The following ACBD5 variants were observed in gnomAD, a reference collection of about 807,000 sequenced individuals.
ACBD5 encodes the protein acyl-CoA binding domain containing 5.
Under a neutral mutation model 71.8 loss-of-function variants are expected in ACBD5, and 40 were observed. The ratio of observed to expected loss-of-function variants is 0.56; its 90% confidence interval spans 0.43 to 0.72. ACBD5 has a LOEUF of 0.72. Among genes scored for constraint, ACBD5 ranks in the 30% least tolerant of loss-of-function variants. The probability of loss-of-function intolerance (pLI) is 0.00; values close to 1 mark genes in which losing one functional copy is unlikely to be tolerated. For synonymous variants in ACBD5, 229 were observed against 218.6 expected, an observed-to-expected ratio of 1.05 and a Z score of -0.42; for missense variants, 559 against 644.5, an observed-to-expected ratio of 0.87 and a Z score of 1.44.
intron 4 of ACBD5, among the ~76,000 whole-genome samples, chr10:27,227,955 C>A (rs7898338): frequency 6.6e-6 from 1 of 151,858 alleles, no homozygotes; most frequent in African/African-American, 2.4e-5. Context: ...TCAGGTGATC[C>A]GCCTGTCTCA....
Position 27,240,750 on chromosome 10 carries a change from G to C in ACBD5, c.-62C>G. The C allele has an allele frequency of 6.5e-7, 1 of 1,549,854 alleles. No individual in the cohort carries two copies. Among genetic ancestry groups the C allele is most frequent in the Non-Finnish European group, 8.7e-7 (1 of 1,146,800 alleles). Reference sequence around the variant, plus strand: ...GCCGCGGAGCCGCTCTCCCACCCTGGGGACCCTGGCGGAGCAGCCACACCC... The same window carrying C: ...GCCGCGGAGCCGCTCTCCCACCCTGCGGACCCTGGCGGAGCAGCCACACCC... On this transcript the variant is annotated 5_prime_UTR_variant, in exon 1 of 13. Transcript: ENST00000396271. The surrounding 1 kb of genome is among the most constrained non-coding windows in gnomAD (Gnocchi z 4.1).
intron 4 of ACBD5, among the ~76,000 whole-genome samples, chr10:27,229,311 G>A (rs1439284304): frequency 6.6e-6 from 1 of 151,888 alleles, no homozygotes; most frequent in South Asian, 2.1e-4. Flanking sequence ...TGACAGGCCA[G>A]GCACACGGTG....
intron 4 of ACBD5, among the ~76,000 whole-genome samples, chr10:27,229,333 T>TA (rs1222119935): frequency 6.6e-6 from 1 of 151,774 alleles, no homozygotes; most frequent in East Asian, 1.9e-4. Context: ...CTCATGCCTG[T>TA]AATCCCAGCA....
At chr10:27,204,573 C>T in intron 11 of ACBD5, 24 bp from the exon 12 acceptor site, 1 of 1,548,970 alleles carries the variant, frequency 6.5e-7, no homozygotes, top group Non-Finnish European at 8.9e-7. Flanking sequence ...ATAAGCTTGT[C>T]ACCAATCTAT....
intron 10 of ACBD5, 117 bp from the exon 11 acceptor site, chr10:27,205,365 TTTTC>T (rs1233793389): frequency 2.0e-6 from 2 of 1,005,158 alleles, no homozygotes; most frequent in Non-Finnish European, 3.1e-6. Flanking sequence ...GTTGCTTTTG[TTTTC>T]TTTATGTATA....
Position 27,215,636 on chromosome 10 carries a change from T to C in ACBD5, c.835A>G (p.Asn279Asp). ...KSAVCIHQDI[N>D]DDHVEDVTGI... ...GTAACATCTTCAACATGATCATCAT[T>C]TATATCTAAATATGAACAAAAGTGC... Residue 279 changes from asparagine to aspartate, a missense_variant, in exon 8 of 13, where the codon AAT becomes GAT. Asn to Asp is a conservative substitution (Grantham distance 23). Coordinates refer to ENST00000396271, the MANE Select transcript of ACBD5 (RefSeq NM_145698.5). 1 of 1,607,796 alleles carries C rather than the reference T, an allele frequency of 6.2e-7. No homozygotes were observed. Among genetic ancestry groups the C allele is most frequent in the Non-Finnish European group, 8.5e-7 (1 of 1,174,928 alleles).
chr10:27,190,795 G>A (rs147187476), downstream of ACBD5, among the ~76,000 whole-genome samples: 151 of 152,296 alleles, frequency 9.9e-4, no homozygotes, highest in Middle Eastern at 0.02. Flanking sequence ...AGCCCACCTG[G>A]ATTCAAGACA....
chr10:27,193,037 TTC>T (rs2059142596), downstream of ACBD5, among the ~76,000 whole-genome samples: 1 of 151,822 alleles, frequency 6.6e-6, no homozygotes, highest in South Asian at 2.1e-4. Flanking sequence ...ATTTCTCTAT[TTC>T]TCTTTTTTTA....
upstream of ACBD5, chr10:27,240,907 C>T: frequency 1.5e-6 from 1 of 662,678 alleles, no homozygotes. This position sits in a 1 kb window ranked among gnomAD's most constrained non-coding sequence, Gnocchi z 4.1. Flanking sequence ...GACCCGCCGC[C>T]GCGGCAAGGA....
At chr10:27,219,616 A>G in intron 6 of ACBD5, 107 bp downstream of exon 6, 1 of 1,474,716 alleles carries the variant, frequency 6.8e-7, no homozygotes, top group South Asian at 1.1e-5. Flanking sequence ...AACAGCTTAC[A>G]TCCCACCACC....
chr10:27,189,698 T>C (rs1399001425), intron 13 of ACBD5, among the ~76,000 whole-genome samples: 2 of 151,418 alleles, frequency 1.3e-5, no homozygotes, highest in Non-Finnish European at 2.9e-5. Flanking sequence ...CACACCAACA[T>C]GGCACATGTA....
chr10:27,231,867 A>C (rs1456184010), intron 3 of ACBD5, 47 bp from the exon 4 acceptor site: 1 of 1,522,228 alleles, frequency 6.6e-7, no homozygotes, highest in Non-Finnish European at 9.1e-7. Flanking sequence ...ATCTGATTTT[A>C]ATTGCTCAGA....
At chr10:27,231,975 T>G (rs1002971438) in intron 3 of ACBD5, among the ~76,000 whole-genome samples, 155 bp from the exon 4 acceptor site, 3 of 152,228 alleles carry the variant, frequency 2.0e-5, no homozygotes, top group African/African-American at 7.2e-5. Flanking sequence ...TGAAGAAAAT[T>G]ATCACAGCAA....
intron 5 of ACBD5, 56 bp downstream of exon 5, chr10:27,223,282 T>C (rs1358852222): frequency 7.9e-7 from 1 of 1,272,640 alleles, no homozygotes. Context: ...ATACAAATAT[T>C]AATATGTGCA....
At chr10:27,239,148 G>A (rs2065141036) in intron 2 of ACBD5, among the ~76,000 whole-genome samples, 2 of 152,154 alleles carry the variant, frequency 1.3e-5, no homozygotes, top group African/African-American at 4.8e-5. Context: ...GGTGAGCTGA[G>A]ATTGTACCAT....
At chr10:27,233,428 GAAA>G (rs11308411) in intron 3 of ACBD5, among the ~76,000 whole-genome samples, 2 of 128,954 alleles carry the variant, frequency 1.6e-5, no homozygotes, top group Non-Finnish European at 3.3e-5. Flanking sequence ...TCCGTCTGAA[GAAA>G]AAAAAAAAAA....
downstream of ACBD5, among the ~76,000 whole-genome samples, chr10:27,194,716 G>A (rs978965479): frequency 4.0e-5 from 6 of 151,534 alleles, no homozygotes; most frequent in African/African-American, 1.5e-4. Flanking sequence ...AACTGAAACC[G>A]GCTGGGTGCA....
intron 4 of ACBD5, among the ~76,000 whole-genome samples, chr10:27,226,269 G>A (rs563928646): frequency 1.3e-5 from 2 of 152,024 alleles, no homozygotes; most frequent in African/African-American, 4.8e-5. Flanking sequence ...AGTAAACACA[G>A]TACCCAATAG....
At chr10:27,191,741 TG>T (rs2059087965), downstream of ACBD5, among the ~76,000 whole-genome samples, 1 of 151,922 alleles carries the variant, frequency 6.6e-6, no homozygotes. Context: ...AAAAATTAGC[TG>T]GGTGTGTGGT....
Sources: allele counts gnomAD v4.1 joint callset (sites outside exome capture counted in the v4.1 genomes callset), GRCh38; gene constraint gnomAD v4.1.1; non-coding constraint Gnocchi (gnomAD v3.1); transcripts MANE v1.5; gene names NCBI Gene and HGNC (gene_info 2026-07-23, HGNC 2026-07-21).